Variants in XRCC4 observed in about 807,000 individuals in gnomAD.
XRCC4 encodes X-ray repair cross complementing 4.
Under a neutral mutation model 39.1 loss-of-function variants are expected in XRCC4, and 28 were observed. That is an observed-to-expected ratio of 0.72 (90% CI 0.53 to 0.98). XRCC4 has a LOEUF of 0.98. XRCC4 is among the 50% of genes least tolerant of loss of function. XRCC4 has a pLI of 0.00. For missense variants in XRCC4, 350 were observed against 376.4 expected (o/e 0.93, Z 0.58); for synonymous variants, 123 against 126.4 (o/e 0.97, Z 0.18).
chr5:83,253,755 G>A (rs763124497), intron 6 of XRCC4, among the ~76,000 whole-genome samples: 2 of 152,184 alleles, frequency 1.3e-5, no homozygotes, highest in Non-Finnish European at 2.9e-5. Context: ...AGAGGCTGAA[G>A]TTTACCAGGT....
chr5:83,270,750 CATT>C (rs1390211587), intron 7 of XRCC4, among the ~76,000 whole-genome samples: 1 of 145,980 alleles, frequency 6.9e-6, no homozygotes, highest in African/African-American at 2.6e-5. Flanking sequence ...GGGATTTATT[CATT>C]TTTTCGAAAA....
intron 6 of XRCC4, among the ~76,000 whole-genome samples, chr5:83,233,771 G>A (rs1389554789): frequency 6.6e-6 from 1 of 151,120 alleles, no homozygotes; most frequent in Non-Finnish European, 1.5e-5. Flanking sequence ...GCATGGTGGT[G>A]CACACCTGTA....
intron 7 of XRCC4, among the ~76,000 whole-genome samples, chr5:83,301,594 A>G (rs951642904): frequency 6.6e-6 from 1 of 151,938 alleles, no homozygotes; most frequent in Non-Finnish European, 1.5e-5. Context: ...TCCCATTTGT[A>G]AATTTTGGCT....
intron 6 of XRCC4, among the ~76,000 whole-genome samples, chr5:83,256,528 C>G (rs1429199309): frequency 6.6e-6 from 1 of 151,978 alleles, no homozygotes; most frequent in Non-Finnish European, 1.5e-5. Context: ...GAAATGTCCT[C>G]TACCTCTAAC....
intron 3 of XRCC4, among the ~76,000 whole-genome samples, chr5:83,147,789 C>G (rs573103762): frequency 2.8e-4 from 36 of 127,406 alleles, no homozygotes; most frequent in African/African-American, 1.1e-3. Context: ...ATATATATTT[C>G]TTTTCTTTTT....
At chr5:83,306,491 C>A (rs1174624698) in intron 7 of XRCC4, among the ~76,000 whole-genome samples, 1 of 67,740 alleles carries the variant, frequency 1.5e-5, no homozygotes, top group African/African-American at 7.1e-5. Flanking sequence ...AAGTAAATCT[C>A]AGAATTGTAT....
chr5:83,122,998 T>C (rs1747084286), intron 3 of XRCC4, among the ~76,000 whole-genome samples: 1 of 150,370 alleles, frequency 6.7e-6, no homozygotes, highest in South Asian at 2.1e-4. Context: ...GAATTATTCA[T>C]TTGCTATTTT....
chr5:83,103,025 T>TATATATATATATATATATACACATAC (rs943955057), intron 1 of XRCC4, among the ~76,000 whole-genome samples: 5 of 142,660 alleles, frequency 3.5e-5, no homozygotes, highest in African/African-American at 1.4e-4. Context: ...TATATATATA[T>TATATATATATATATATATACACATAC]ATATATGTCA....
At chr5:83,373,338 C>T in the XRCC4 span, among the ~76,000 whole-genome samples, 1 of 151,976 alleles carries the variant, frequency 6.6e-6, no homozygotes, top group Admixed American at 6.6e-5. Context: ...TTTGTTTTTC[C>T]TCACCATAAG....
chr5:83,224,550 C>T (rs545003563), intron 6 of XRCC4, among the ~76,000 whole-genome samples: 3 of 152,216 alleles, frequency 2.0e-5, no homozygotes, highest in South Asian at 2.1e-4. Flanking sequence ...ATTTATCCAG[C>T]GGCACTATAG....
intron 7 of XRCC4, among the ~76,000 whole-genome samples, chr5:83,287,161 CA>C (rs1462919220): frequency 6.6e-6 from 1 of 152,068 alleles, no homozygotes; most frequent in Non-Finnish European, 1.5e-5. Flanking sequence ...TGCCTTTTCA[CA>C]TCAACATATT....
At chr5:83,299,273 A>C (rs964832533) in intron 7 of XRCC4, among the ~76,000 whole-genome samples, 1 of 152,130 alleles carries the variant, frequency 6.6e-6, no homozygotes, top group African/African-American at 2.4e-5. Context: ...CAACAGTTTC[A>C]CAATCACTCC....
chr5:83,142,883 C>T (rs566101905), intron 3 of XRCC4, among the ~76,000 whole-genome samples: 45 of 152,106 alleles, frequency 3.0e-4, no homozygotes, highest in African/African-American at 9.2e-4. Context: ...AAATTTCCAT[C>T]GGAGAAATTA....
At chr5:83,138,952 A>G (rs1010310249) in intron 3 of XRCC4, among the ~76,000 whole-genome samples, 4 of 152,132 alleles carry the variant, frequency 2.6e-5, no homozygotes, top group Admixed American at 6.5e-5. Context: ...AAAATAATAA[A>G]GAGAATTTCT....
chr5:83,110,896 A>G lies in XRCC4; in HGVS notation c.140-132A>G, dbSNP rs1030893088. 11 of 781,018 alleles carry G rather than the reference A, an allele frequency of 1.4e-5. No individual in the cohort carries two copies. The African/African-American group carries it at 1.8e-4, about 13-fold the overall frequency. 48.4% of individuals were successfully genotyped at this position (781,018 alleles called of 1,614,324 possible). Reference sequence around the variant, plus strand: ...GGAATAATTTGATTTAAAAATGTGTAGTATAGGGATTGATTTTACTTGTTT... The same window carrying G: ...GGAATAATTTGATTTAAAAATGTGTGGTATAGGGATTGATTTTACTTGTTT... On this transcript the variant is annotated intron_variant, in intron 2 of 7. Coordinates refer to ENST00000396027, the MANE Select transcript of XRCC4 (RefSeq NM_003401.5).
chr5:83,097,411 T>A (rs1344249020), intron 1 of XRCC4, among the ~76,000 whole-genome samples: 6 of 151,926 alleles, frequency 3.9e-5, no homozygotes, highest in Non-Finnish European at 8.8e-5. Flanking sequence ...TTGTTTGCCA[T>A]TAAGAAATAG....
At chr5:83,254,073 C>T (rs977195324) in intron 6 of XRCC4, among the ~76,000 whole-genome samples, 5 of 146,556 alleles carry the variant, frequency 3.4e-5, no homozygotes, top group Admixed American at 6.8e-5. Context: ...AATTGGCAAT[C>T]GTTTTTTGTT....
At chr5:83,341,365 T>A (rs951953829) in intron 7 of XRCC4, among the ~76,000 whole-genome samples, 6 of 152,132 alleles carry the variant, frequency 3.9e-5, no homozygotes, top group Non-Finnish European at 8.8e-5. Context: ...TATGGTATAA[T>A]GTATATACAC....
chr5:83,307,788 G>C (rs945923655), intron 7 of XRCC4, among the ~76,000 whole-genome samples: 5 of 152,218 alleles, frequency 3.3e-5, no homozygotes, highest in African/African-American at 1.2e-4. Context: ...AGTAAGGTGA[G>C]AGCAAGGGAG....
Sources: allele counts gnomAD v4.1 joint callset (sites outside exome capture counted in the v4.1 genomes callset), GRCh38; gene constraint gnomAD v4.1.1; transcripts MANE v1.5; gene names NCBI Gene and HGNC (gene_info 2026-07-23, HGNC 2026-07-21).